The following MYBL2 variants were observed in gnomAD, a reference collection of about 807,000 sequenced individuals.
MYBL2 encodes MYB proto-oncogene like 2.
A neutral mutation model predicts 79.9 loss-of-function variants in MYBL2; 28 were observed. The observed-to-expected ratio is 0.35, with a 90% CI of 0.26 to 0.48. The LOEUF (loss-of-function observed/expected upper bound fraction) is 0.48. Ranked by LOEUF, MYBL2 falls within the 20% of genes least tolerant of loss-of-function variation. The pLI, the probability that MYBL2 is intolerant of heterozygous loss-of-function variation, is 0.99. For synonymous variants in MYBL2, 378 were observed against 361.2 expected (o/e 1.05, Z -0.53); for missense variants, 735 against 893.9 (o/e 0.82, Z 2.27).
intron 8 of MYBL2, among the ~76,000 whole-genome samples, chr20:43,703,629 G>A (rs1415451586): frequency 6.6e-6 from 1 of 152,158 alleles, no homozygotes; most frequent in Admixed American, 6.5e-5. Context: ...CAGGGCCTTG[G>A]TGGGCCTAGG....
chr20:43,711,445 C>T (rs754991199), intron 10 of MYBL2, 43 bp from the exon 11 acceptor site: 31 of 1,511,306 alleles, frequency 2.1e-5, no homozygotes, highest in Non-Finnish European at 2.6e-5. Flanking sequence ...ACACACAGCC[C>T]GAGTGTGGTG....
intron 6 of MYBL2, among the ~76,000 whole-genome samples, chr20:43,693,743 A>G (rs904069936): frequency 5.3e-5 from 8 of 152,194 alleles, no homozygotes; most frequent in Non-Finnish European, 1.2e-4. Context: ...ATATCTCTAA[A>G]GGTTATTTTT....
At chr20:43,689,790 A>G (rs1038435176) in intron 5 of MYBL2, among the ~76,000 whole-genome samples, 2 of 152,194 alleles carry the variant, frequency 1.3e-5, no homozygotes, top group African/African-American at 4.8e-5. Context: ...CAGTGCCTAC[A>G]ATAATGCCTG....
intron 7 of MYBL2, among the ~76,000 whole-genome samples, chr20:43,700,981 C>T (rs1441468438): frequency 3.3e-5 from 5 of 152,288 alleles, no homozygotes; most frequent in Middle Eastern, 3.4e-3. Context: ...GTGCTTGCCG[C>T]GTGCCAGGCC....
intron 8 of MYBL2, among the ~76,000 whole-genome samples, chr20:43,704,295 C>A (rs924693730): frequency 5.3e-5 from 8 of 152,162 alleles, no homozygotes; most frequent in Non-Finnish European, 2.9e-5. Context: ...GGATTACAGG[C>A]GTGAGCCACC....
At chr20:43,702,999 C>T in intron 8 of MYBL2, 96 bp downstream of exon 8, 1 of 1,327,178 alleles carries the variant, frequency 7.5e-7, no homozygotes, top group Non-Finnish European at 1.0e-6. Context: ...CTGGCTCTGC[C>T]CTCATGCAGC....
chr20:43,688,144 T>G (rs1323838248), intron 5 of MYBL2, among the ~76,000 whole-genome samples: 3 of 152,080 alleles, frequency 2.0e-5, no homozygotes, highest in Non-Finnish European at 4.4e-5. Flanking sequence ...TTATTTTCCC[T>G]AAAAATTTTA....
intron 5 of MYBL2, among the ~76,000 whole-genome samples, chr20:43,690,188 T>TTTTG (rs1261108183): frequency 6.9e-6 from 1 of 145,528 alleles, no homozygotes; most frequent in Non-Finnish European, 1.5e-5. Context: ...AAGAGCTGTT[T>TTTTG]TTTGTTTTTT....
At chr20:43,701,020 T>C (rs572640677) in intron 7 of MYBL2, among the ~76,000 whole-genome samples, 1 of 152,240 alleles carries the variant, frequency 6.6e-6, no homozygotes, top group Non-Finnish European at 1.5e-5. Context: ...GTGTAGGCTC[T>C]TAGTTGGTCT....
chr20:43,691,885 G>C (rs1987419832), intron 5 of MYBL2, among the ~76,000 whole-genome samples: 1 of 150,824 alleles, frequency 6.6e-6, no homozygotes. Flanking sequence ...TTTTTTACCT[G>C]AACCTGACAG....
At chr20:43,702,951 A>G (rs1435915651) in intron 8 of MYBL2, 48 bp downstream of exon 8, 1 of 1,537,416 alleles carries the variant, frequency 6.5e-7, no homozygotes, top group East Asian at 2.3e-5. Flanking sequence ...ACAGACACCT[A>G]GTGTTCAGTG....
intron 9 of MYBL2, among the ~76,000 whole-genome samples, chr20:43,706,748 C>CTTTTT (rs1987794776): frequency 3.6e-5 from 2 of 54,904 alleles, no homozygotes; most frequent in African/African-American, 1.5e-4. Context: ...TGGAGTCTTG[C>CTTTTT]TTTATCACCC....
chr20:43,670,040 G>A (rs1476994359), intron 1 of MYBL2, among the ~76,000 whole-genome samples: 1 of 152,218 alleles, frequency 6.6e-6, no homozygotes, highest in Non-Finnish European at 1.5e-5. Context: ...AGGAGGCAGA[G>A]GTTGCTGTGA....
intron 9 of MYBL2, among the ~76,000 whole-genome samples, chr20:43,705,647 C>G (rs891078113): frequency 6.6e-6 from 1 of 151,884 alleles, no homozygotes; most frequent in Non-Finnish European, 1.5e-5. Flanking sequence ...CAGGTGCATG[C>G]CACCATGCTC....
In MYBL2 at chr20:43,706,003, A is replaced by G. The variant is rs368345141; in HGVS notation, c.1505+645A>G. 1.2e-3 allele frequency among the ~76,000 whole-genome samples: 180 copies of G among 152,168 alleles called. 1 individual carries two copies. Among genetic ancestry groups the G allele is most frequent in the African/African-American group, 4.0e-3 (166 of 41,514 alleles). ...GCGTGAGCCACCACACCCGGCTAAA[A>G]TTTTTTTAAGAGGTGAGGTCTTGCT... is the stretch of plus-strand genomic sequence containing the variant. On this transcript the variant is annotated intron_variant, in intron 9 of 13. Transcript: ENST00000217026.
In MYBL2 at chr20:43,709,963, G is replaced by T; in HGVS notation, c.1506G>T (p.Ala502=). The change falls in exon 10 of 14, where the codon GCG becomes GCT. Residue 502 remains alanine (A), a splice_region_variant and synonymous_variant. Transcript: ENST00000217026. The part of the protein sequence containing the change: ...DKTPLHQKHA[A]FVTPDQKYSM... ...GTTCCCCCGTTCTGGCCCCTGGCAG[G>T]TTTGTAACCCCAGATCAGAAGTACT... 6.2e-7 allele frequency: 1 copy of T among 1,603,952 alleles called. No homozygotes were observed. The highest frequency in any genetic ancestry group is 1.1e-5 in the South Asian group (1 of 88,392).
intron 6 of MYBL2, among the ~76,000 whole-genome samples, chr20:43,698,061 CTT>C (rs11475916): frequency 0.017 from 1,912 of 112,406 alleles, 31 homozygotes; most frequent in South Asian, 0.061. Flanking sequence ...GCTTGGTTGT[CTT>C]TTTTTTTTTT....
chr20:43,684,264 GTCTT>G (rs1186195908), intron 4 of MYBL2, among the ~76,000 whole-genome samples: 2 of 149,816 alleles, frequency 1.3e-5, no homozygotes, highest in African/African-American at 4.9e-5. Flanking sequence ...TTGAGACTGA[GTCTT>G]GCTCTGTCGT....
At chr20:43,670,323 C>T (rs1031535131) in intron 1 of MYBL2, among the ~76,000 whole-genome samples, 4 of 152,100 alleles carry the variant, frequency 2.6e-5, no homozygotes, top group African/African-American at 9.7e-5. Context: ...TGGATTTTTG[C>T]CTTCTATATT....
Sources: gnomAD v4.1 joint callset for allele counts (sites outside exome capture counted in the v4.1 genomes callset) on GRCh38, gnomAD v4.1.1 for gene constraint, MANE v1.5 for transcripts, NCBI Gene and HGNC (gene_info 2026-07-23, HGNC 2026-07-21) for gene names.